DAB1: variants seen among roughly 807,000 people sequenced by gnomAD.
The protein encoded by DAB1 is DAB adaptor protein 1.
DAB1 carries 15 observed loss-of-function variants against 64.6 expected under a neutral mutation model. The ratio of observed to expected loss-of-function variants is 0.23; its 90% confidence interval spans 0.16 to 0.36. The LOEUF (loss-of-function observed/expected upper bound fraction) is 0.36. Ranked by LOEUF, DAB1 falls within the 10% of genes least tolerant of loss-of-function variation. DAB1 has a pLI of 1.00. For synonymous variants in DAB1, 235 were observed against 251.9 expected (o/e 0.93, Z 0.64); for missense variants, 596 against 706.7 (o/e 0.84, Z 1.78).
intron 3 of DAB1, among the ~76,000 whole-genome samples, chr1:58,408,139 G>A (rs1422621980): frequency 6.6e-6 from 1 of 152,166 alleles, no homozygotes; most frequent in Non-Finnish European, 1.5e-5. Flanking sequence ...GAGGAAACCT[G>A]AGCACTCTGG....
intron 6 of DAB1, among the ~76,000 whole-genome samples, chr1:57,757,297 T>A (rs1395243720): frequency 6.7e-6 from 1 of 149,872 alleles, no homozygotes; most frequent in East Asian, 2.0e-4. Flanking sequence ...TTGCAACTTA[T>A]TAACGGTGTG....
At chr1:57,363,244 C>T (rs1679698158) in intron 1 of DAB1, among the ~76,000 whole-genome samples, 1 of 152,138 alleles carries the variant, frequency 6.6e-6, no homozygotes, top group African/African-American at 2.4e-5. Context: ...GTTACAGACC[C>T]CTTTCATAGG....
chr1:57,872,992 G>A (rs1643979053), intron 1 of DAB1, among the ~76,000 whole-genome samples: 1 of 152,076 alleles, frequency 6.6e-6, no homozygotes. Flanking sequence ...CAAGAGGCAA[G>A]AACTGAGCCC....
rs192119147 is a variant in DAB1, at chr1:57,765,887, T to G, written n.552-116222A>C. 1.1e-3 allele frequency among the ~76,000 whole-genome samples: 174 copies of G among 152,274 alleles called. No individual in the cohort carries two copies. The Middle Eastern group carries it at 0.014, about 12-fold the overall frequency. ...CTCAAGTGATCTGCCCACCTTGGCC[T>G]CCCAAAGTGCTGGGATTACAGGCGT... is the stretch of plus-strand genomic sequence containing the variant. On this transcript the variant is annotated intron_variant and non_coding_transcript_variant, in intron 6 of 20. Coordinates refer to the DAB1 transcript ENST00000485760.
intron 1 of DAB1, among the ~76,000 whole-genome samples, chr1:58,536,913 A>G (rs1312399708): frequency 6.6e-6 from 1 of 152,218 alleles, no homozygotes; most frequent in Non-Finnish European, 1.5e-5. Context: ...TGATGAAAAA[A>G]TAATCAATGA....
intron 6 of DAB1, among the ~76,000 whole-genome samples, chr1:57,695,368 GAAAGAAAGAAAGAAAGAAAGA>G (rs1570745833): frequency 8.2e-5 from 4 of 48,588 alleles, no homozygotes; most frequent in South Asian, 8.3e-4. Context: ...AAAGAAGAAA[GAAAGAAAGAAAGAAAGAAAGA>G]AAGAAAGAAA....
chr1:57,677,539 T>C (rs1417265251), intron 6 of DAB1, among the ~76,000 whole-genome samples: 1 of 152,206 alleles, frequency 6.6e-6, no homozygotes, highest in East Asian at 1.9e-4. Flanking sequence ...GCCACAACAC[T>C]ATGTGCACAC....
rs561935452 is a variant in DAB1, at chr1:57,923,616, CTG to C, written n.388-39456_388-39455del. On this transcript the variant is annotated intron_variant and non_coding_transcript_variant, in intron 5 of 20. Coordinates refer to the DAB1 transcript ENST00000485760. ...CTGAAGTGAAGTCACAGGTTGGAAA[CTG>C]TTACAGTTCCTGAGCCATGCTGAAT... Among the ~76,000 whole-genome samples, 16 of 152,314 alleles carry C rather than the reference CTG, an allele frequency of 1.1e-4. No individual in the cohort carries two copies. The South Asian group carries it at 2.1e-3, about 20-fold the overall frequency.
At chr1:58,365,454 A>T (rs564963912) in intron 3 of DAB1, among the ~76,000 whole-genome samples, 77 of 152,260 alleles carry the variant, frequency 5.1e-4, no homozygotes, top group African/African-American at 1.8e-3. Flanking sequence ...TACACTCCTT[A>T]TGGGGCTTCA....
intron 4 of DAB1, among the ~76,000 whole-genome samples, chr1:58,215,333 C>T (rs1028385547): frequency 6.6e-6 from 1 of 151,976 alleles, no homozygotes; most frequent in Non-Finnish European, 1.5e-5. Context: ...CTCAGAGATG[C>T]CTGAGGGTAT....
intron 6 of DAB1, among the ~76,000 whole-genome samples, chr1:57,722,746 TAGA>T (rs1319423767): frequency 1.3e-5 from 2 of 152,192 alleles, no homozygotes; most frequent in Non-Finnish European, 2.9e-5. Flanking sequence ...AAGAGTTCTC[TAGA>T]AGGAGAAAGG....
At chr1:57,886,651 G>A (rs1178270416), upstream of DAB1, among the ~76,000 whole-genome samples, 1 of 152,128 alleles carries the variant, frequency 6.6e-6, no homozygotes, top group Non-Finnish European at 1.5e-5. Context: ...GTCACTATTT[G>A]CATGTCTTCT....
chr1:57,484,584 C>T (rs1644066204), intron 7 of DAB1, among the ~76,000 whole-genome samples: 1 of 152,120 alleles, frequency 6.6e-6, no homozygotes, highest in Admixed American at 6.6e-5. Flanking sequence ...TGGAAGAACA[C>T]CAAAGAGCTC....
intron 9 of DAB1, among the ~76,000 whole-genome samples, chr1:57,046,241 C>T (rs578215518): frequency 2.2e-4 from 33 of 152,184 alleles, no homozygotes; most frequent in African/African-American, 7.2e-4. Context: ...CTTTGGATTC[C>T]CTGAAGTAGA....
chr1:57,072,439 C>T (rs1406740826), intron 4 of DAB1, 25 bp from the exon 5 acceptor site: 1 of 1,608,058 alleles, frequency 6.2e-7, no homozygotes, highest in Non-Finnish European at 8.5e-7. Flanking sequence ...AAAGGAAGAA[C>T]ATATTTCAGG....
intron 1 of DAB1, among the ~76,000 whole-genome samples, chr1:57,366,082 G>C (rs552694988): frequency 1.7e-4 from 26 of 152,126 alleles, no homozygotes; most frequent in Non-Finnish European, 2.9e-4. Flanking sequence ...AATGTGTCCT[G>C]CTCTTTGCAG....
At position 58,328,132 on chromosome 1, in the gene DAB1, C is replaced by T. The variant is rs557432276; in HGVS notation, n.309+15220G>A. 2.6e-5 allele frequency among the ~76,000 whole-genome samples: 4 copies of T among 152,256 alleles called. No homozygotes were observed. The East Asian group carries it at 5.8e-4, about 22-fold the overall frequency. The stretch of plus-strand genomic sequence containing the variant: ...TTGTCAGGCCTGCATTGCAGCCCAA[C>T]TTCTCCTTCTGCCCAACCCTGCTTC... On this transcript the variant is annotated intron_variant and non_coding_transcript_variant, in intron 4 of 20. Transcript: ENST00000485760.
At chr1:57,901,884 C>T (rs1420220369) in intron 5 of DAB1, among the ~76,000 whole-genome samples, 2 of 152,108 alleles carry the variant, frequency 1.3e-5, no homozygotes, top group African/African-American at 4.8e-5. Context: ...ACTGTGTACT[C>T]TGAACTTGGT....
At position 57,110,617 on chromosome 1, in the gene DAB1, A is replaced by G. The variant is rs367888297; in HGVS notation, c.306+25926T>C. Among the ~76,000 whole-genome samples the G allele has an allele frequency of 3.0e-4, 46 of 152,352 alleles. 1 individual carries two copies. The highest frequency in any genetic ancestry group is 9.6e-4 in the East Asian group (5 of 5,182). On this transcript the variant is annotated intron_variant, in intron 4 of 14. Coordinates refer to ENST00000371236, the MANE Select transcript of DAB1 (RefSeq NM_001365792.1). Reference sequence around the variant, plus strand: ...AGGAACTGGGCCAGATAATCCAGATATAAATGTTGATGATACACAGTTCCT... The same window carrying G: ...AGGAACTGGGCCAGATAATCCAGATGTAAATGTTGATGATACACAGTTCCT...
Sources: allele counts gnomAD v4.1 joint callset (sites outside exome capture counted in the v4.1 genomes callset), GRCh38; gene constraint gnomAD v4.1.1; transcripts MANE v1.5; gene names NCBI Gene and HGNC (gene_info 2026-07-23, HGNC 2026-07-21).